The following EPS8 variants were observed in gnomAD, a reference collection of about 807,000 sequenced individuals.
EPS8 encodes the protein EGFR pathway substrate 8, signaling adaptor.
A neutral mutation model predicts 103.8 loss-of-function variants in EPS8; 42 were observed. That is an observed-to-expected ratio of 0.40 (90% CI 0.32 to 0.52). The LOEUF (loss-of-function observed/expected upper bound fraction) is 0.52, where lower values mean the gene tolerates loss of function less well. EPS8 is among the 20% of genes least tolerant of loss of function. The pLI is 0.40. For synonymous variants in EPS8, 344 were observed against 344.6 expected (o/e 1.00, Z 0.02); for missense variants, 969 against 1,005.1 (o/e 0.96, Z 0.49).
rs903605030 is a variant in EPS8 at position 15,762,020 on chromosome 12, T to C, written c.-22+27141A>G. Among the ~76,000 whole-genome samples the C allele has an allele frequency of 1.3e-5, 2 of 151,508 alleles. No individual in the cohort carries two copies. Among genetic ancestry groups the C allele is most frequent in the Non-Finnish European group, 2.9e-5 (2 of 67,986 alleles). Reference sequence around the variant, plus strand: ...ACCCACAGAATCAGAGAAAATATATTTGCAAACTATCCATCTGAAAAGAGA... The same window carrying C: ...ACCCACAGAATCAGAGAAAATATATCTGCAAACTATCCATCTGAAAAGAGA... On this transcript the variant is annotated intron_variant, in intron 1 of 20. Coordinates refer to ENST00000281172, the MANE Select transcript of EPS8 (RefSeq NM_004447.6). The surrounding 1 kb of genome is among the most constrained non-coding windows in gnomAD (Gnocchi z 4.8).
Position 15,779,737 on chromosome 12 carries a change from TTC to T in EPS8, c.-22+9422_-22+9423del, listed in dbSNP as rs1947241398. Among the ~76,000 whole-genome samples, 2 of 152,208 alleles carry T rather than the reference TTC, an allele frequency of 1.3e-5. No individual in the cohort carries two copies. The highest frequency in any genetic ancestry group is 2.4e-5 in the African/African-American group (1 of 41,460). On this transcript the variant is annotated intron_variant, in intron 1 of 20. Coordinates refer to ENST00000281172, the MANE Select transcript of EPS8 (RefSeq NM_004447.6). The surrounding 1 kb of genome is among the most constrained non-coding windows in gnomAD (Gnocchi z 4.3). Reference sequence around the variant, plus strand: ...AATCTTTTTTCTCACTATTTTTTCTTTCTCTTTTTCTTCTCCCCTTATATTAA... The same window carrying T: ...AATCTTTTTTCTCACTATTTTTTCTTTCTTTTTCTTCTCCCCTTATATTAA...
intron 8 of EPS8, 115 bp from the exon 9 acceptor site, chr12:15,662,214 C>T (rs1945618416): frequency 6.5e-7 from 1 of 1,536,604 alleles, no homozygotes; most frequent in Admixed American, 1.8e-5. Context: ...GGGAACACCT[C>T]CACTGGATAC....
rs1472232605 is a variant in EPS8, at chr12:15,733,017, C to T, written c.-21-50045G>A. Among the ~76,000 whole-genome samples, 1 of 152,114 alleles carries T rather than the reference C, an allele frequency of 6.6e-6. No individual in the cohort carries two copies. The highest frequency in any genetic ancestry group is 1.9e-4 in the East Asian group (1 of 5,192). The stretch of plus-strand genomic sequence containing the variant: ...ACTACCACACTAGAATTGAACGATA[C>T]CTAAATAATGGAGTACATGGAGATG... On this transcript the variant is annotated intron_variant, in intron 1 of 20. Coordinates refer to ENST00000281172, the MANE Select transcript of EPS8 (RefSeq NM_004447.6). This position sits in a 1 kb window ranked among gnomAD's most constrained non-coding sequence, Gnocchi z 4.8.
chr12:15,731,738 C>A lies in EPS8; in HGVS notation c.-21-48766G>T, dbSNP rs1313345727. ...TTTCATTTTGTCTTCGTGTAAGGGTCAATAATTTCAATCATCCCCCAAACT... is the reference window on the plus strand; with the variant it reads ...TTTCATTTTGTCTTCGTGTAAGGGTAAATAATTTCAATCATCCCCCAAACT... On this transcript the variant is annotated intron_variant, in intron 1 of 20. Transcript: ENST00000281172. This position sits in a 1 kb window ranked among gnomAD's most constrained non-coding sequence, Gnocchi z 5.1. 6.6e-6 allele frequency among the ~76,000 whole-genome samples: 1 copy of A among 152,104 alleles called. No homozygotes were observed. Among genetic ancestry groups the A allele is most frequent in the Non-Finnish European group, 1.5e-5 (1 of 68,020 alleles).
At chr12:15,671,582 A>G (rs1328177936) in intron 3 of EPS8, 2 of 152,168 alleles carry the variant, frequency 1.3e-5, no homozygotes, top group Admixed American at 1.3e-4. Context: ...CTTAAAAAGC[A>G]AAAAGAAACC....
chr12:15,681,189 G>T, intron 3 of EPS8, 37 bp downstream of exon 3: 1 of 1,139,492 alleles, frequency 8.8e-7, no homozygotes, highest in Non-Finnish European at 1.3e-6. Flanking sequence ...AAAGTGGTTA[G>T]AAACAAAATT....
intron 1 of EPS8, among the ~76,000 whole-genome samples, chr12:15,720,181 G>T (rs1375812274): frequency 1.3e-5 from 2 of 152,126 alleles, no homozygotes; most frequent in African/African-American, 4.8e-5. Flanking sequence ...AATAATATAT[G>T]AAAAGAGTAT....
intron 13 of EPS8, among the ~76,000 whole-genome samples, chr12:15,651,439 CTGG>C (rs1052660345): frequency 6.6e-6 from 1 of 152,162 alleles, no homozygotes; most frequent in African/African-American, 2.4e-5. Flanking sequence ...TTGAAACCTC[CTGG>C]TATTAGATAT....
rs1211098216 is a variant in EPS8, at chr12:15,698,599, T to C, written c.-21-15627A>G. ...TTTAGCTGCTAAGAAGCCCCAGGAA[T>C]AGCACGTACCGGCACATAGTAGCAC... is the stretch of plus-strand genomic sequence containing the variant. On this transcript the variant is annotated intron_variant, in intron 1 of 20. Transcript: ENST00000281172. The surrounding 1 kb of genome is among the most constrained non-coding windows in gnomAD (Gnocchi z 4.9). Among the ~76,000 whole-genome samples the C allele has an allele frequency of 6.6e-6, 1 of 151,744 alleles. No individual in the cohort carries two copies. The highest frequency in any genetic ancestry group is 1.5e-5 in the Non-Finnish European group (1 of 67,974).
In EPS8 at chr12:15,781,997, G is replaced by A. The variant is rs1474192349; in HGVS notation, c.-22+7164C>T. 1.3e-5 allele frequency: 2 copies of A among 152,122 alleles called. No individual in the cohort carries two copies. The highest frequency in any genetic ancestry group is 2.4e-5 in the African/African-American group (1 of 41,412). 9.4% of individuals were successfully genotyped at this position (152,122 alleles called of 1,614,324 possible). ...CCTCACCTCTCAACACTCTCACATT[G>A]AGGATGAAATTTCAACATGAGTTTT... On this transcript the variant is annotated intron_variant, in intron 1 of 20. Transcript: ENST00000281172. The surrounding 1 kb of genome is among the most constrained non-coding windows in gnomAD (Gnocchi z 4.1).
At chr12:15,782,865 C>G (rs892768057) in intron 1 of EPS8, among the ~76,000 whole-genome samples, 1 of 152,160 alleles carries the variant, frequency 6.6e-6, no homozygotes, top group Non-Finnish European at 1.5e-5. Flanking sequence ...TGAGTAACCG[C>G]TTAGTCCACT....
intron 1 of EPS8, among the ~76,000 whole-genome samples, chr12:15,740,399 G>T (rs1384772720): frequency 1.3e-5 from 2 of 151,890 alleles, no homozygotes; most frequent in African/African-American, 2.4e-5. Flanking sequence ...ACAAAAATTA[G>T]CCAGGCGTGG....
At chr12:15,635,656 T>C (rs1945121626) in intron 17 of EPS8, among the ~76,000 whole-genome samples, 1 of 152,160 alleles carries the variant, frequency 6.6e-6, no homozygotes, top group African/African-American at 2.4e-5. Context: ...GATTTAAACA[T>C]GTATATAATG....
intron 3 of EPS8, among the ~76,000 whole-genome samples, chr12:15,676,188 G>A (rs1945903050): frequency 6.7e-6 from 1 of 149,768 alleles, no homozygotes; most frequent in Non-Finnish European, 1.5e-5. Context: ...CAGGAGAATG[G>A]CGTGAACCCA....
rs1353493723 is a variant in EPS8 at position 15,721,294 on chromosome 12, CA to C, written c.-21-38323del. ...ACAGTCATATGCCATTCCCCACTCACAAAAATAAACCTAACACACACCAAAT... is the reference window on the plus strand; with the variant it reads ...ACAGTCATATGCCATTCCCCACTCACAAAATAAACCTAACACACACCAAAT... On this transcript the variant is annotated intron_variant, in intron 1 of 20. Coordinates refer to ENST00000281172, the MANE Select transcript of EPS8 (RefSeq NM_004447.6). The surrounding 1 kb of genome is among the most constrained non-coding windows in gnomAD (Gnocchi z 4.4). 6.6e-6 allele frequency among the ~76,000 whole-genome samples: 1 copy of C among 152,148 alleles called. No homozygotes were observed. The highest frequency in any genetic ancestry group is 1.5e-5 in the Non-Finnish European group (1 of 68,032).
At chr12:15,703,093 G>A (rs1311676101) in intron 1 of EPS8, among the ~76,000 whole-genome samples, 1 of 152,194 alleles carries the variant, frequency 6.6e-6, no homozygotes, top group Non-Finnish European at 1.5e-5. Context: ...AAGTTGCAGT[G>A]AGCCAAGATC....
In EPS8 at chr12:15,663,172, C is replaced by G. The variant is rs182562982; in HGVS notation, c.737-1073G>C. ...TTGTAGTGGACTACCACAGAAAGTA[C>G]TAAGTTGAGGTTGAAATAGCTATTA... On this transcript the variant is annotated intron_variant, in intron 8 of 20. Coordinates refer to ENST00000281172, the MANE Select transcript of EPS8 (RefSeq NM_004447.6). 1.3e-4 allele frequency among the ~76,000 whole-genome samples: 20 copies of G among 152,152 alleles called. No homozygotes were observed. The East Asian group carries it at 2.1e-3, about 16-fold the overall frequency.
chr12:15,665,572 C>A (rs1945692685), intron 8 of EPS8, 184 bp downstream of exon 8: 13 of 615,308 alleles, frequency 2.1e-5, no homozygotes, highest in Non-Finnish European at 3.1e-5. Flanking sequence ...CTCAGGTGAT[C>A]CGCCCGCCTC....
At chr12:15,773,067 C>T (rs1345694207) in intron 1 of EPS8, among the ~76,000 whole-genome samples, 1 of 152,092 alleles carries the variant, frequency 6.6e-6, no homozygotes, top group Non-Finnish European at 1.5e-5. Flanking sequence ...AGACATTAAG[C>T]TTCTCTTCAA....
Sources: gnomAD v4.1 joint callset for allele counts (sites outside exome capture counted in the v4.1 genomes callset) on GRCh38, gnomAD v4.1.1 for gene constraint, Gnocchi (gnomAD v3.1) non-coding constraint, MANE v1.5 for transcripts, NCBI Gene and HGNC (gene_info 2026-07-23, HGNC 2026-07-21) for gene names.